Variants in SDK2 observed in about 807,000 individuals in gnomAD.
The protein encoded by SDK2 is sidekick cell adhesion molecule 2, also known as protein sidekick-2.
SDK2 carries 105 observed loss-of-function variants against 253.9 expected under a neutral mutation model. That is an observed-to-expected ratio of 0.41 (90% CI 0.35 to 0.49). The LOEUF is 0.49. Ranked by LOEUF, SDK2 falls within the 20% of genes least tolerant of loss-of-function variation. SDK2 has a pLI of 0.06. For missense variants in SDK2, 2,608 were observed against 3,003.0 expected (o/e 0.87, Z 3.07); for synonymous variants, 1,249 against 1,234.9 (o/e 1.01, Z -0.24).
rs770383131 is a variant in SDK2, at chr17:73,348,715, T to TG, written c.6048dup (p.Arg2017GlnfsTer12). ...TAGTGCAGGCTGCCTGGGCTGGGCC[T>TG]GGGGGGAGACCTGGAGAGAGCGGGG... On this transcript the variant is annotated frameshift_variant, in exon 44 of 45. Coordinates refer to ENST00000392650, the MANE Select transcript of SDK2 (RefSeq NM_001144952.2). LOFTEE classifies it high-confidence loss of function. 5.6e-6 allele frequency: 9 copies of TG among 1,606,702 alleles called. No individual in the cohort carries two copies. Among genetic ancestry groups the TG allele is most frequent in the Non-Finnish European group, 7.6e-6 (9 of 1,178,560 alleles).
At position 73,417,999 on chromosome 17, in the gene SDK2, C is replaced by A. The variant is rs113276093; in HGVS notation, c.2186+1167G>T. Among the ~76,000 whole-genome samples the A allele has an allele frequency of 5.0e-3, 736 of 146,918 alleles. 3 individuals carry two copies. The highest frequency in any genetic ancestry group is 0.017 in the African/African-American group (660 of 39,964). On this transcript the variant is annotated intron_variant, in intron 16 of 44. Transcript: ENST00000392650. Reference sequence around the variant, plus strand: ...TCTAAACCTGAAGATGCATCAAAGTCTCCTAGATGAGTTTTTTTTTTTTTT... The same window carrying A: ...TCTAAACCTGAAGATGCATCAAAGTATCCTAGATGAGTTTTTTTTTTTTTT...
At chr17:73,497,852 C>A (rs185453928) in intron 2 of SDK2, among the ~76,000 whole-genome samples, 1 of 152,314 alleles carries the variant, frequency 6.6e-6, no homozygotes, top group South Asian at 2.1e-4. Flanking sequence ...CCTAAGAGAG[C>A]TAAACGCCCC....
chr17:73,584,090 G>A (rs1391820753), intron 1 of SDK2, among the ~76,000 whole-genome samples: 2 of 152,200 alleles, frequency 1.3e-5, no homozygotes, highest in African/African-American at 4.8e-5. Context: ...GGACGGAGAG[G>A]GGAGAGCATG....
intron 18 of SDK2, among the ~76,000 whole-genome samples, chr17:73,413,251 C>A (rs986013614): frequency 2.6e-5 from 4 of 151,850 alleles, no homozygotes; most frequent in Non-Finnish European, 4.4e-5. Flanking sequence ...AGGTTGCGTA[C>A]TCCTTATGAG....
At chr17:73,623,711 C>G (rs2048301633) in intron 1 of SDK2, among the ~76,000 whole-genome samples, 1 of 152,166 alleles carries the variant, frequency 6.6e-6, no homozygotes, top group Non-Finnish European at 1.5e-5. Flanking sequence ...CACTGCACCC[C>G]ACCCCGCCCC....
At chr17:73,430,640 G>A (rs757849775) in intron 11 of SDK2, 27 bp from the exon 12 acceptor site, 2 of 1,456,006 alleles carry the variant, frequency 1.4e-6, no homozygotes, top group African/African-American at 1.4e-5. Context: ...AGACAGCATG[G>A]TGAGAAGAGG....
Position 73,524,348 on chromosome 17 carries a change from C to T in SDK2, c.65-16751G>A, listed in dbSNP as rs1047275683. 7.9e-5 allele frequency among the ~76,000 whole-genome samples: 12 copies of T among 152,330 alleles called. No homozygotes were observed. In the South Asian group the frequency reaches 1.0e-3, roughly 13 times the overall value. On this transcript the variant is annotated intron_variant, in intron 1 of 44. Coordinates refer to ENST00000392650, the MANE Select transcript of SDK2 (RefSeq NM_001144952.2). ...CTGGCAAGGAGACCAACATGGCCCC[C>T]GCCCGCCCCGGCCATTCACCCTTCT...
chr17:73,479,531 C>T (rs777002356), intron 2 of SDK2, among the ~76,000 whole-genome samples: 12 of 151,952 alleles, frequency 7.9e-5, no homozygotes, highest in East Asian at 7.7e-4. Context: ...CTGTCCAGGG[C>T]GATCAAAAGG....
chr17:73,637,301 T>C (rs1397590952), intron 1 of SDK2, among the ~76,000 whole-genome samples: 6 of 152,192 alleles, frequency 3.9e-5, no homozygotes. Context: ...CTGCACTTCC[T>C]AGCTCCCTTG....
Position 73,383,473 on chromosome 17 carries a change from G to A in SDK2, c.4705+403C>T, listed in dbSNP as rs1335989836. On this transcript the variant is annotated intron_variant, in intron 33 of 44. Transcript: ENST00000392650. This position sits in a 1 kb window ranked among gnomAD's most constrained non-coding sequence, Gnocchi z 4.3. ...GGCAGGGTGCTCCTTCTCATGCACC[G>A]GGCTGTCCCCGTCCCTTTGTCCTGG... 3.3e-5 allele frequency among the ~76,000 whole-genome samples: 5 copies of A among 152,184 alleles called. No individual in the cohort carries two copies. The highest frequency in any genetic ancestry group is 7.3e-5 in the Non-Finnish European group (5 of 68,030).
intron 1 of SDK2, among the ~76,000 whole-genome samples, chr17:73,613,914 G>T (rs2046013394): frequency 6.6e-6 from 1 of 152,246 alleles, no homozygotes; most frequent in South Asian, 2.1e-4. Context: ...AGCAGTCAAA[G>T]GACCAGTGCT....
Position 73,435,768 on chromosome 17 carries a change from A to C in SDK2, c.1001-124T>G. On this transcript the variant is annotated intron_variant, in intron 8 of 44. Coordinates refer to ENST00000392650, the MANE Select transcript of SDK2 (RefSeq NM_001144952.2). This position sits in a 1 kb window ranked among gnomAD's most constrained non-coding sequence, Gnocchi z 5.7. ...GGGTCCCTGGTGAATCTTGGTGTCT[A>C]GAACCTTCTCAGAGGTGCCACTTTG... The C allele has an allele frequency of 2.3e-6, 2 of 861,182 alleles. No homozygotes were observed. The highest frequency in any genetic ancestry group is 3.5e-6 in the Non-Finnish European group (2 of 574,392). The allele number at this position is 861,182 out of a possible 1,614,324, so 53.3% of individuals were successfully genotyped here. A position where few individuals can be genotyped will look rare whatever the true frequency, so the allele number is the denominator to read the frequency against.
chr17:73,380,972 G>A (rs780887767), intron 33 of SDK2, 22 bp from the exon 34 acceptor site: 2 of 1,273,512 alleles, frequency 1.6e-6, no homozygotes, highest in South Asian at 1.3e-5. Flanking sequence ...GGGTGCCGGG[G>A]CGGGGGCGCA....
chr17:73,468,234 A>C (rs2063616887), intron 3 of SDK2, among the ~76,000 whole-genome samples: 1 of 152,178 alleles, frequency 6.6e-6, no homozygotes, highest in African/African-American at 2.4e-5. Context: ...CTGCTTCTCT[A>C]CTTCCTTAAG....
intron 1 of SDK2, among the ~76,000 whole-genome samples, chr17:73,559,824 A>C (rs1267229328): frequency 6.6e-6 from 1 of 152,160 alleles, no homozygotes; most frequent in East Asian, 1.9e-4. Flanking sequence ...CTGAGATAGG[A>C]TGAGAGAAAG....
At chr17:73,487,015 C>T (rs2063773546) in intron 2 of SDK2, among the ~76,000 whole-genome samples, 1 of 152,158 alleles carries the variant, frequency 6.6e-6, no homozygotes, top group Non-Finnish European at 1.5e-5. Context: ...CTCACTGCAA[C>T]CTCTGCCTCC....
At chr17:73,344,053 G>A (rs891906255) in intron 44 of SDK2, among the ~76,000 whole-genome samples, 1 of 152,148 alleles carries the variant, frequency 6.6e-6, no homozygotes, top group African/African-American at 2.4e-5. Flanking sequence ...GCCAGCCAGG[G>A]TCTCTCTGCA....
At position 73,361,891 on chromosome 17, in the gene SDK2, G is replaced by A. The variant is rs776462343; in HGVS notation, c.5306-46C>T. ...GGGGACTGGGCACAGGGCCCACCGAGGGCACTGGAGGCCATGGGGAAGGGG... is the reference window on the plus strand; with the variant it reads ...GGGGACTGGGCACAGGGCCCACCGAAGGCACTGGAGGCCATGGGGAAGGGG... On this transcript the variant is annotated intron_variant, in intron 38 of 44. Coordinates refer to ENST00000392650, the MANE Select transcript of SDK2 (RefSeq NM_001144952.2). The surrounding 1 kb of genome is among the most constrained non-coding windows in gnomAD (Gnocchi z 4.1). The A allele has an allele frequency of 3.3e-6, 5 of 1,518,616 alleles. No homozygotes were observed. Among genetic ancestry groups the A allele is most frequent in the East Asian group, 2.4e-5 (1 of 40,826 alleles). The allele number at this position is 1,518,616 out of a possible 1,614,324, so 94.1% of individuals were successfully genotyped here. A position where few individuals can be genotyped will look rare whatever the true frequency, so the allele number is the denominator to read the frequency against.
chr17:73,405,500 AT>A (rs528598886), intron 18 of SDK2, among the ~76,000 whole-genome samples: 2,730 of 99,808 alleles, frequency 0.027, 549 homozygotes, highest in Non-Finnish European at 0.036. Flanking sequence ...ATATATATAT[AT>A]ATATATATAT....
Sources: gnomAD v4.1 joint callset for allele counts (sites outside exome capture counted in the v4.1 genomes callset) on GRCh38, gnomAD v4.1.1 for gene constraint, Gnocchi (gnomAD v3.1) non-coding constraint, MANE v1.5 for transcripts, NCBI Gene and HGNC (gene_info 2026-07-23, HGNC 2026-07-21) for gene names.